TMEM117: variants seen among roughly 807,000 people sequenced by gnomAD.
TMEM117 encodes the protein transmembrane protein 117.
In TMEM117, 27 loss-of-function variants were observed where a neutral mutation model predicts 52.4. The observed-to-expected ratio is 0.51, with a 90% confidence interval of 0.38 to 0.71. The LOEUF is 0.71. Among genes scored for constraint, TMEM117 ranks in the 30% least tolerant of loss-of-function variants. TMEM117 has a pLI of 0.00. For synonymous variants in TMEM117, 215 were observed against 206.3 expected, an observed-to-expected ratio of 1.04 and a Z score of -0.36; for missense variants, 556 against 630.5, an observed-to-expected ratio of 0.88 and a Z score of 1.26.
intron 3 of TMEM117, among the ~76,000 whole-genome samples, chr12:44,051,691 T>C (rs556868182): frequency 6.6e-6 from 1 of 152,300 alleles, no homozygotes; most frequent in South Asian, 2.1e-4. Context: ...AACGAGACTG[T>C]GTGAATAGGG....
At chr12:44,025,966 C>G (rs932459176) in intron 3 of TMEM117, among the ~76,000 whole-genome samples, 1 of 152,092 alleles carries the variant, frequency 6.6e-6, no homozygotes, top group Non-Finnish European at 1.5e-5. Flanking sequence ...GCCAGGTCAC[C>G]GTTCTTCTCA....
rs150335532 is a variant in TMEM117, at chr12:44,125,266, G to A, written c.411-18259G>A. On this transcript the variant is annotated intron_variant, in intron 3 of 7. Coordinates refer to ENST00000266534, the MANE Select transcript of TMEM117 (RefSeq NM_032256.3). ...ACTACAGGCGTCCGCCACCAAGCCCGGCTAATTCTTTTTTGTATTTTTAGT... is the reference window on the plus strand; with the variant it reads ...ACTACAGGCGTCCGCCACCAAGCCCAGCTAATTCTTTTTTGTATTTTTAGT... Among the ~76,000 whole-genome samples, 37 of 152,182 alleles carry A rather than the reference G, an allele frequency of 2.4e-4. No homozygotes were observed. The East Asian group carries it at 6.6e-3, about 27-fold the overall frequency.
At position 44,055,143 on chromosome 12, in the gene TMEM117, G is replaced by A. The variant is rs184252301; in HGVS notation, c.411-88382G>A. On this transcript the variant is annotated intron_variant, in intron 3 of 7. Transcript: ENST00000266534. ...TAGATAAGAAAAGTATAAAAGTTCT[G>A]TGATGCAAACTCTATTTTATTTAAA... is the stretch of plus-strand genomic sequence containing the variant. Among the ~76,000 whole-genome samples, 367 of 151,728 alleles carry A rather than the reference G, an allele frequency of 2.4e-3. 3 individuals are homozygous for A. Among genetic ancestry groups the A allele is most frequent in the African/African-American group, 8.2e-3 (338 of 41,072 alleles).
At chr12:43,951,996 CAG>C (rs1210723065) in intron 3 of TMEM117, among the ~76,000 whole-genome samples, 4 of 152,184 alleles carry the variant, frequency 2.6e-5, no homozygotes, top group Non-Finnish European at 1.5e-5. Context: ...CCCAGGCGAA[CAG>C]AGTCTGGAGT....
chr12:44,191,503 T>C (rs1949353904), intron 4 of TMEM117, among the ~76,000 whole-genome samples: 1 of 152,174 alleles, frequency 6.6e-6, no homozygotes, highest in African/African-American at 2.4e-5. Flanking sequence ...CTGGTCTCAA[T>C]AAGTTTTGAA....
At chr12:43,800,990 G>A in the TMEM117 span, among the ~76,000 whole-genome samples, 2 of 152,236 alleles carry the variant, frequency 1.3e-5, no homozygotes, top group South Asian at 4.1e-4. Context: ...GACCTCTGGT[G>A]ATCCACTCGC....
intron 5 of TMEM117, among the ~76,000 whole-genome samples, chr12:44,278,690 A>G (rs1950543944): frequency 6.6e-6 from 1 of 152,228 alleles, no homozygotes; most frequent in South Asian, 2.1e-4. Context: ...TCATTGAACA[A>G]TTTTAAGAAT....
At chr12:44,248,452 G>A (rs1259834240) in intron 5 of TMEM117, 1 of 152,600 alleles carries the variant, frequency 6.6e-6, no homozygotes, top group African/African-American at 2.4e-5. Context: ...AAGATCTCCA[G>A]CTCAAGAGTA....
At chr12:44,007,811 C>G (rs1020491207) in intron 3 of TMEM117, among the ~76,000 whole-genome samples, 5 of 152,100 alleles carry the variant, frequency 3.3e-5, no homozygotes, top group Admixed American at 6.6e-5. Context: ...CCTGCATAAG[C>G]TCTCTCTTTT....
chr12:43,806,127 G>C, the TMEM117 span: 4 of 1,527,066 alleles, frequency 2.6e-6, no homozygotes, highest in African/African-American at 4.1e-5. Context: ...CGGAGCTCCC[G>C]GCCCGACTCC....
intron 3 of TMEM117, among the ~76,000 whole-genome samples, chr12:44,048,045 T>C (rs530185206): frequency 1.2e-4 from 19 of 152,302 alleles, no homozygotes; most frequent in African/African-American, 3.8e-4. Context: ...AGATTTACTT[T>C]ATAAAATTAT....
chr12:43,868,590 A>G (rs990496869), intron 2 of TMEM117, among the ~76,000 whole-genome samples: 1 of 147,722 alleles, frequency 6.8e-6, no homozygotes, highest in African/African-American at 2.4e-5. Context: ...AAAAAAAAAC[A>G]CACACACTTC....
chr12:44,024,793 C>G (rs1946506783), intron 3 of TMEM117, among the ~76,000 whole-genome samples: 1 of 151,556 alleles, frequency 6.6e-6, no homozygotes, highest in Admixed American at 6.6e-5. Context: ...AAATATTATG[C>G]CTTTGAATGT....
chr12:44,394,001 T>G (rs1226761349), downstream of TMEM117, among the ~76,000 whole-genome samples: 1 of 152,162 alleles, frequency 6.6e-6, no homozygotes, highest in Non-Finnish European at 1.5e-5. Context: ...CAGGAGAATG[T>G]TAGAGGAAGA....
At chr12:44,270,870 T>C (rs1281706617) in intron 5 of TMEM117, among the ~76,000 whole-genome samples, 1 of 152,184 alleles carries the variant, frequency 6.6e-6, no homozygotes, top group Non-Finnish European at 1.5e-5. Context: ...TCTATTGAGA[T>C]GATCATGTGA....
chr12:44,334,944 CAAA>C (rs770538263), intron 6 of TMEM117, among the ~76,000 whole-genome samples: 6 of 151,854 alleles, frequency 4.0e-5, no homozygotes, highest in Non-Finnish European at 7.4e-5. Flanking sequence ...AAAACACAAA[CAAA>C]AAAATCAGAG....
chr12:44,150,493 G>C (rs1039151333), intron 4 of TMEM117, among the ~76,000 whole-genome samples: 4 of 152,120 alleles, frequency 2.6e-5, no homozygotes, highest in African/African-American at 9.7e-5. Flanking sequence ...AAGGACGGCA[G>C]ATTTAGTGGC....
chr12:44,107,679 C>T (rs1947982915), intron 3 of TMEM117, among the ~76,000 whole-genome samples: 1 of 152,030 alleles, frequency 6.6e-6, no homozygotes, highest in African/African-American at 2.4e-5. Context: ...ATTTAATCAG[C>T]CTCCAATTAT....
chr12:44,040,798 G>C (rs1946784983), intron 3 of TMEM117, among the ~76,000 whole-genome samples: 1 of 152,090 alleles, frequency 6.6e-6, no homozygotes, highest in South Asian at 2.1e-4. Context: ...TTTATTTATA[G>C]TTAGATAAAA....
Sources: gnomAD v4.1 joint callset for allele counts (sites outside exome capture counted in the v4.1 genomes callset) on GRCh38, gnomAD v4.1.1 for gene constraint, MANE v1.5 for transcripts, NCBI Gene and HGNC (gene_info 2026-07-23, HGNC 2026-07-21) for gene names.